FBN1: variants seen among roughly 807,000 people sequenced by gnomAD.
The protein encoded by FBN1 is fibrillin-1.
Under a neutral mutation model 365.1 loss-of-function variants are expected in FBN1, and 29 were observed. The observed-to-expected ratio is 0.08, with a 90% CI of 0.06 to 0.11. The LOEUF (loss-of-function observed/expected upper bound fraction) is 0.11, where lower values mean the gene tolerates loss of function less well. FBN1 is among the 10% of genes least tolerant of loss of function. FBN1 has a pLI of 1.00. For missense variants in FBN1, 2,476 were observed against 3,703.2 expected, an observed-to-expected ratio of 0.67 and a Z score of 8.60; for synonymous variants, 1,210 against 1,270.5, an observed-to-expected ratio of 0.95 and a Z score of 1.01.
intron 4 of FBN1, among the ~76,000 whole-genome samples, chr15:48,609,826 A>C (rs1449336386): frequency 6.6e-6 from 1 of 152,212 alleles, no homozygotes; most frequent in East Asian, 1.9e-4. Flanking sequence ...ATTTGCCCTA[A>C]CCTGTTAATT....
chr15:48,590,098 G>A (rs1442281023), intron 6 of FBN1, among the ~76,000 whole-genome samples: 1 of 152,204 alleles, frequency 6.6e-6, no homozygotes, highest in Non-Finnish European at 1.5e-5. Flanking sequence ...ATTACCTTGG[G>A]AACTTTAGTG....
chr15:48,596,218 G>C (rs2044514157), intron 6 of FBN1, 65 bp downstream of exon 6: 2 of 1,425,578 alleles, frequency 1.4e-6, no homozygotes, highest in South Asian at 1.1e-5. Context: ...CCCAATGTCT[G>C]TGCAAATTAG....
chr15:48,602,616 C>G (rs2044576164), intron 4 of FBN1, among the ~76,000 whole-genome samples: 1 of 152,056 alleles, frequency 6.6e-6, no homozygotes, highest in Admixed American at 6.5e-5. Context: ...TCTTTGTTTC[C>G]CCATGTATGA....
chr15:48,573,445 T>C (rs2044321487), intron 6 of FBN1, among the ~76,000 whole-genome samples: 1 of 152,178 alleles, frequency 6.6e-6, no homozygotes, highest in South Asian at 2.1e-4. Flanking sequence ...CAATATGGCT[T>C]ATAGTGTTAT....
At chr15:48,559,447 A>G (rs537360701) in intron 6 of FBN1, among the ~76,000 whole-genome samples, 3 of 152,222 alleles carry the variant, frequency 2.0e-5, no homozygotes, top group Admixed American at 2.0e-4. Flanking sequence ...AGTCTGACTC[A>G]AGTAAAAGGC....
intron 2 of FBN1, among the ~76,000 whole-genome samples, chr15:48,633,332 G>C (rs1322554558): frequency 6.6e-6 from 1 of 152,072 alleles, no homozygotes; most frequent in East Asian, 1.9e-4. Context: ...TTAATGTATA[G>C]TTTGGATAAC....
In FBN1 at chr15:48,487,155, C is replaced by T. The variant is rs137854475; in HGVS notation, c.3509G>A (p.Arg1170His). Residue 1170 changes from arginine to histidine, a missense_variant, in exon 29 of 66, where the codon CGT (arginine) becomes CAT (histidine). By Grantham distance (29) the Arg-to-His change is conservative (BLOSUM62 0). Transcript: ENST00000316623. ...ELSAHLCPNGRCVNLIGKYQC... is the reference protein window; with the variant it reads ...ELSAHLCPNGHCVNLIGKYQC... The stretch of plus-strand genomic sequence containing the variant: ...ATACTTCCCTATGAGGTTCACGCAA[C>T]GGCCATTGGGGCACAGGTGTGCACT... The T allele has an allele frequency of 2.4e-3, 3,834 of 1,614,138 alleles. 5 individuals carry two copies. Among genetic ancestry groups the T allele is most frequent in the Non-Finnish European group, 3.0e-3 (3,541 of 1,180,022 alleles).
At chr15:48,639,534 A>C (rs1428179589) in intron 2 of FBN1, among the ~76,000 whole-genome samples, 4 of 152,234 alleles carry the variant, frequency 2.6e-5, no homozygotes, top group Non-Finnish European at 5.9e-5. Flanking sequence ...CCACAGAACT[A>C]AACTCAAGCT....
chr15:48,514,540 G>C (rs1187991636), intron 12 of FBN1, among the ~76,000 whole-genome samples: 1 of 152,170 alleles, frequency 6.6e-6, no homozygotes, highest in Non-Finnish European at 1.5e-5. Context: ...GTTGATAGGA[G>C]CTGAGTGTTC....
chr15:48,486,930 G>A (rs2043511771), intron 29 of FBN1, 145 bp downstream of exon 29: 1 of 555,206 alleles, frequency 1.8e-6, no homozygotes, highest in South Asian at 5.5e-5. Context: ...AGAAAGATAA[G>A]TAAAAGTAGC....
chr15:48,507,251 T>A (rs1431925675), intron 15 of FBN1, among the ~76,000 whole-genome samples: 1 of 152,234 alleles, frequency 6.6e-6, no homozygotes, highest in African/African-American at 2.4e-5. Context: ...CTATTATTTT[T>A]TTTTGGAAGC....
rs778027769 is a variant in FBN1, at chr15:48,430,723, C to T, written c.6819G>A (p.Met2273Ile). The T allele has an allele frequency of 6.1e-5, 99 of 1,613,798 alleles. No homozygotes were observed. The highest frequency in any genetic ancestry group is 7.8e-5 in the Non-Finnish European group (92 of 1,179,844). The stretch of plus-strand genomic sequence containing the variant: ...GCTGATACCCGGGTCCACAGATGCA[C>T]ATATATGTGCCAATGAGGTTCTTGC... ...MECKNLIGTYMCICGPGYQRR... is the reference protein window; with the variant it reads ...MECKNLIGTYICICGPGYQRR... The change falls in exon 56 of 66, where the codon ATG (methionine) becomes ATA (isoleucine). Residue 2273 changes from methionine to isoleucine, a missense_variant. Physicochemically the swap from Met to Ile is conservative, Grantham distance 10 (BLOSUM62 1). Coordinates refer to ENST00000316623, the MANE Select transcript of FBN1 (RefSeq NM_000138.5).
At chr15:48,645,112 C>A (rs1890274779) in intron 1 of FBN1, among the ~76,000 whole-genome samples, 162 bp from the exon 2 acceptor site, 1 of 152,258 alleles carries the variant, frequency 6.6e-6, no homozygotes, top group Non-Finnish European at 1.5e-5. Flanking sequence ...GGCTGGAAAG[C>A]CCAGGCCCCC....
chr15:48,525,442 G>T (rs1334185471), intron 9 of FBN1, among the ~76,000 whole-genome samples: 1 of 152,138 alleles, frequency 6.6e-6, no homozygotes, highest in Non-Finnish European at 1.5e-5. Context: ...ACCTGACATG[G>T]AAGTCTAACA....
At chr15:48,421,925 T>G (rs1597513636) in intron 61 of FBN1, 27 bp downstream of exon 61, 2 of 1,475,380 alleles carry the variant, frequency 1.4e-6, no homozygotes, top group Non-Finnish European at 1.9e-6. Context: ...CTACAATCCA[T>G]GTAGGATTTT....
chr15:48,613,798 C>T (rs377430630), intron 2 of FBN1, among the ~76,000 whole-genome samples: 6 of 151,964 alleles, frequency 3.9e-5, no homozygotes, highest in Admixed American at 6.6e-5. Flanking sequence ...CATGGTGGCA[C>T]GCACCTGTAG....
At chr15:48,519,637 T>C (rs929551642) in intron 10 of FBN1, among the ~76,000 whole-genome samples, 1 of 152,072 alleles carries the variant, frequency 6.6e-6, no homozygotes, top group African/African-American at 2.4e-5. Context: ...AGAGGATATA[T>C]AACAGGCAAG....
intron 60 of FBN1, among the ~76,000 whole-genome samples, chr15:48,424,047 C>T (rs1197150766): frequency 1.3e-5 from 2 of 152,132 alleles, no homozygotes; most frequent in Non-Finnish European, 2.9e-5. Context: ...GAGATATTTT[C>T]CCCTTGAATT....
At chr15:48,630,747 AAAAGAAAAG>A (rs1045633989) in intron 2 of FBN1, among the ~76,000 whole-genome samples, 1 of 142,888 alleles carries the variant, frequency 7.0e-6, no homozygotes, top group Non-Finnish European at 1.5e-5. Flanking sequence ...AAAAAAAAAA[AAAAGAAAAG>A]AAAAGAAAAG....
Sources: gnomAD v4.1 joint callset for allele counts (sites outside exome capture counted in the v4.1 genomes callset) on GRCh38, gnomAD v4.1.1 for gene constraint, MANE v1.5 for transcripts, NCBI Gene and HGNC (gene_info 2026-07-23, HGNC 2026-07-21) for gene names.